The following AGTPBP1 variants were observed in gnomAD, a reference collection of about 807,000 sequenced individuals.
The protein encoded by AGTPBP1 is ATP/GTP binding carboxypeptidase 1, also known as cytosolic carboxypeptidase 1.
A neutral mutation model predicts 143.9 loss-of-function variants in AGTPBP1; 70 were observed. That is an observed-to-expected ratio of 0.49 (90% CI 0.40 to 0.59). The LOEUF (loss-of-function observed/expected upper bound fraction) is 0.59. AGTPBP1 is among the 20% of genes least tolerant of loss of function. The pLI is 0.00. For synonymous variants in AGTPBP1, 463 were observed against 500.2 expected, an observed-to-expected ratio of 0.93 and a Z score of 0.99; for missense variants, 1,229 against 1,464.5, an observed-to-expected ratio of 0.84 and a Z score of 2.62.
At chr9:85,663,328 A>G (rs1833948642) in intron 8 of AGTPBP1, among the ~76,000 whole-genome samples, 1 of 152,118 alleles carries the variant, frequency 6.6e-6, no homozygotes, top group Non-Finnish European at 1.5e-5. Flanking sequence ...TCCACCAATC[A>G]CACTGGAAAT....
At chr9:85,687,818 G>C (rs540982809) in intron 3 of AGTPBP1, among the ~76,000 whole-genome samples, 2 of 152,012 alleles carry the variant, frequency 1.3e-5, no homozygotes, top group East Asian at 1.9e-4. Flanking sequence ...GGCCAGGCGC[G>C]GTGGCTCATG....
chr9:85,761,317 A>G, the AGTPBP1 span, among the ~76,000 whole-genome samples: 1 of 152,182 alleles, frequency 6.6e-6, no homozygotes, highest in Non-Finnish European at 1.5e-5. Context: ...CATTGCCAAG[A>G]CAATCCTAAG....
chr9:85,621,951 T>C (rs902574774), intron 14 of AGTPBP1, among the ~76,000 whole-genome samples: 1 of 152,086 alleles, frequency 6.6e-6, no homozygotes, highest in African/African-American at 2.4e-5. Flanking sequence ...CCCACAATCT[T>C]TACCCCATCA....
the AGTPBP1 span, among the ~76,000 whole-genome samples, chr9:85,797,214 G>A: frequency 1.3e-5 from 2 of 150,820 alleles, no homozygotes; most frequent in Non-Finnish European, 3.0e-5. Flanking sequence ...AATCTCCCAG[G>A]CTCCCACCTC....
At chr9:85,750,989 C>A in the AGTPBP1 span, among the ~76,000 whole-genome samples, 1 of 152,334 alleles carries the variant, frequency 6.6e-6, no homozygotes, top group East Asian at 1.9e-4. Flanking sequence ...AGGAGTCCAA[C>A]TGGGGTCTCT....
intron 2 of AGTPBP1, among the ~76,000 whole-genome samples, chr9:85,700,358 T>A (rs1384479123): frequency 1.3e-5 from 2 of 152,092 alleles, no homozygotes; most frequent in Non-Finnish European, 2.9e-5. Context: ...CAGAGATATT[T>A]TCATGTTCAC....
chr9:85,575,193 A>C, intron 25 of AGTPBP1, 122 bp downstream of exon 25: 1 of 607,230 alleles, frequency 1.6e-6, no homozygotes, highest in Non-Finnish European at 2.6e-6. Flanking sequence ...TGATGTATTA[A>C]CTTAATTATA....
intron 2 of AGTPBP1, among the ~76,000 whole-genome samples, chr9:85,693,651 A>C (rs1352555627): frequency 2.0e-5 from 3 of 152,188 alleles, no homozygotes; most frequent in Non-Finnish European, 4.4e-5. Context: ...TTGTCAATAT[A>C]GTGTAAACAA....
chr9:85,795,083 A>G, the AGTPBP1 span, among the ~76,000 whole-genome samples: 36 of 152,070 alleles, frequency 2.4e-4, no homozygotes, highest in Non-Finnish European at 2.9e-5. Flanking sequence ...AACCCCAACT[A>G]CTTTTTTGTT....
At chr9:85,564,238 A>G (rs35736661) in intron 25 of AGTPBP1, among the ~76,000 whole-genome samples, 3 of 152,272 alleles carry the variant, frequency 2.0e-5, no homozygotes, top group African/African-American at 4.8e-5. Context: ...GTGGGCCTGA[A>G]GAGCAGAGAA....
Position 85,641,178 on chromosome 9 carries a change from G to A in AGTPBP1, c.1302+1649C>T, listed in dbSNP as rs373171920. On this transcript the variant is annotated intron_variant, in intron 13 of 25. Transcript: ENST00000357081. ...GGGGGTCTTGGAACCTATCTCCCACGGATAAGGGGGGCCTACCGTATATAT... is the reference window on the plus strand; with the variant it reads ...GGGGGTCTTGGAACCTATCTCCCACAGATAAGGGGGGCCTACCGTATATAT... Among the ~76,000 whole-genome samples the A allele has an allele frequency of 2.8e-4, 43 of 152,234 alleles. 1 individual carries two copies. Among genetic ancestry groups the A allele is most frequent in the African/African-American group, 6.0e-4 (25 of 41,550 alleles).
chr9:85,725,820 C>G (rs920825933), intron 1 of AGTPBP1, among the ~76,000 whole-genome samples: 1 of 151,688 alleles, frequency 6.6e-6, no homozygotes, highest in Non-Finnish European at 1.5e-5. Flanking sequence ...CCAAGGCGGG[C>G]GAATCACCTG....
chr9:85,607,203 A>T (rs1206517096), intron 17 of AGTPBP1, among the ~76,000 whole-genome samples: 1 of 152,050 alleles, frequency 6.6e-6, no homozygotes, highest in African/African-American at 2.4e-5. Context: ...AATTTTTAAA[A>T]GTTAACTATA....
intron 13 of AGTPBP1, among the ~76,000 whole-genome samples, chr9:85,641,633 G>C (rs1280117791): frequency 6.6e-6 from 1 of 152,040 alleles, no homozygotes; most frequent in East Asian, 1.9e-4. Context: ...GGCATCTAAG[G>C]CTCCTAAGTT....
At chr9:85,735,046 AAAAT>A (rs1341339573) in intron 1 of AGTPBP1, among the ~76,000 whole-genome samples, 1 of 152,210 alleles carries the variant, frequency 6.6e-6, no homozygotes, top group African/African-American at 2.4e-5. Flanking sequence ...AAAAATTTTA[AAAAT>A]AAATAAATAA....
In AGTPBP1 at chr9:85,596,454, GAAAGAGAGAAAA is replaced by G. The variant is rs778478854; in HGVS notation, c.2336-17_2336-6del. The stretch of plus-strand genomic sequence containing the variant: ...AATACATGAGTGGTTGCATACCTTT[GAAAGAGAGAAAA>G]AAAGAGAGAAAATTATTTTCATAAT... On this transcript the variant is annotated splice_polypyrimidine_tract_variant and splice_region_variant and intron_variant, in intron 17 of 25. Transcript: ENST00000357081. The G allele has an allele frequency of 5.2e-6, 8 of 1,538,370 alleles. No individual in the cohort carries two copies. In the South Asian group the frequency reaches 1.0e-4, roughly 19 times the overall value.
intron 25 of AGTPBP1, among the ~76,000 whole-genome samples, chr9:85,562,099 C>G (rs1362615083): frequency 6.6e-6 from 1 of 151,916 alleles, no homozygotes; most frequent in East Asian, 1.9e-4. Context: ...CAAAAATACA[C>G]TTTTATATTA....
intron 3 of AGTPBP1, among the ~76,000 whole-genome samples, chr9:85,688,560 C>G (rs1427204865): frequency 1.3e-5 from 2 of 152,148 alleles, no homozygotes; most frequent in Non-Finnish European, 2.9e-5. Flanking sequence ...ATGAAAGACA[C>G]ATCACTCCCT....
chr9:85,566,718 T>A (rs1827128866), intron 25 of AGTPBP1, among the ~76,000 whole-genome samples: 1 of 151,962 alleles, frequency 6.6e-6, no homozygotes, highest in South Asian at 2.1e-4. Context: ...CGAAGTCAGG[T>A]CATGGGTGTG....
Sources: gnomAD v4.1 joint callset for allele counts (sites outside exome capture counted in the v4.1 genomes callset) on GRCh38, gnomAD v4.1.1 for gene constraint, MANE v1.5 for transcripts, NCBI Gene and HGNC (gene_info 2026-07-23, HGNC 2026-07-21) for gene names.